VIT: variants seen among roughly 807,000 people sequenced by gnomAD.
VIT encodes the protein vitrin.
VIT carries 99 observed loss-of-function variants against 78.0 expected under a neutral mutation model. The observed-to-expected ratio is 1.27, with a 90% CI of 1.08 to 1.50. VIT has a LOEUF of 1.50. Ranked by LOEUF, VIT falls within the 40% of genes most tolerant of loss-of-function variation. VIT has a pLI of 0.00. For synonymous variants in VIT, 374 were observed against 334.3 expected (o/e 1.12, Z -1.29); for missense variants, 1,126 against 875.3 (o/e 1.29, Z -3.61).
intron 2 of VIT, among the ~76,000 whole-genome samples, chr2:36,721,585 C>T (rs1404269057): frequency 1.3e-5 from 2 of 152,186 alleles, no homozygotes; most frequent in Non-Finnish European, 2.9e-5. Context: ...TTTCCCTTTG[C>T]CTTTAGGATG....
At chr2:36,747,788 T>G (rs919164352) in intron 4 of VIT, among the ~76,000 whole-genome samples, 1 of 152,198 alleles carries the variant, frequency 6.6e-6, no homozygotes, top group African/African-American at 2.4e-5. Flanking sequence ...TTCGACCTGA[T>G]CATAATGTTG....
chr2:36,717,672 T>C (rs930149060), intron 2 of VIT, among the ~76,000 whole-genome samples: 9 of 152,144 alleles, frequency 5.9e-5, no homozygotes, highest in Non-Finnish European at 1.3e-4. Context: ...AGGGTAATCT[T>C]CCATTAAGCT....
chr2:36,699,458 A>T (rs1203398747), intron 1 of VIT, among the ~76,000 whole-genome samples: 1 of 152,088 alleles, frequency 6.6e-6, no homozygotes, highest in African/African-American at 2.4e-5. Flanking sequence ...AGAGACTTAC[A>T]TGTATACAAA....
chr2:36,759,084 G>A (rs1668950795), intron 6 of VIT, 38 bp downstream of exon 6: 10 of 1,614,138 alleles, frequency 6.2e-6, no homozygotes, highest in Non-Finnish European at 8.5e-6. Context: ...AACCTTCTGA[G>A]TCCATGAACA....
At chr2:36,710,370 G>C (rs1440571643) in intron 1 of VIT, among the ~76,000 whole-genome samples, 1 of 152,120 alleles carries the variant, frequency 6.6e-6, no homozygotes, top group Admixed American at 6.6e-5. Context: ...GGGTTCTAGT[G>C]AAAACGCCTC....
intron 3 of VIT, among the ~76,000 whole-genome samples, chr2:36,742,409 C>G (rs1441916383): frequency 6.6e-6 from 1 of 152,146 alleles, no homozygotes; most frequent in Non-Finnish European, 1.5e-5. Context: ...AGCTTTCCAT[C>G]AAGCGTTCAG....
intron 3 of VIT, among the ~76,000 whole-genome samples, chr2:36,731,315 C>T (rs914315792): frequency 6.6e-6 from 1 of 152,084 alleles, no homozygotes; most frequent in African/African-American, 2.4e-5. Context: ...CACTCTGTCG[C>T]CAGGCTGGAG....
intron 6 of VIT, among the ~76,000 whole-genome samples, chr2:36,761,412 G>A (rs541615398): frequency 5.3e-5 from 8 of 152,174 alleles, no homozygotes; most frequent in African/African-American, 7.2e-5. Flanking sequence ...GGCCTCACCC[G>A]TGGGAAGTTC....
intron 2 of VIT, among the ~76,000 whole-genome samples, chr2:36,723,608 C>A (rs1666647247): frequency 6.6e-6 from 1 of 152,126 alleles, no homozygotes; most frequent in Non-Finnish European, 1.5e-5. Flanking sequence ...ATGCATTAAA[C>A]AATAAATTTT....
intron 5 of VIT, among the ~76,000 whole-genome samples, chr2:36,756,375 A>G (rs774473256): frequency 2.0e-5 from 3 of 152,138 alleles, no homozygotes; most frequent in Non-Finnish European, 2.9e-5. Context: ...TGGCCTCCCA[A>G]CAAAATTAGG....
chr2:36,726,460 G>T (rs553773627), intron 2 of VIT, among the ~76,000 whole-genome samples: 1 of 152,286 alleles, frequency 6.6e-6, no homozygotes, highest in Non-Finnish European at 1.5e-5. Context: ...ATCCACATTT[G>T]TGTTGTTTAC....
chr2:36,708,904 C>T (rs1573115931), intron 1 of VIT, among the ~76,000 whole-genome samples: 1 of 152,184 alleles, frequency 6.6e-6, no homozygotes, highest in African/African-American at 2.4e-5. Context: ...AATCCCAGCA[C>T]TTTGGGAGGC....
chr2:36,793,790 A>G (rs1368026123), intron 12 of VIT, among the ~76,000 whole-genome samples: 3 of 152,216 alleles, frequency 2.0e-5, no homozygotes, highest in African/African-American at 7.2e-5. Flanking sequence ...AATCCATTTG[A>G]GAGGCTCATT....
At chr2:36,746,183 T>G (rs559000370) in intron 4 of VIT, among the ~76,000 whole-genome samples, 4 of 152,330 alleles carry the variant, frequency 2.6e-5, no homozygotes, top group Admixed American at 6.5e-5. Context: ...ATTAGCTTTT[T>G]GATGTGCTGC....
chr2:36,730,271 G>C (rs1667112198), intron 3 of VIT, among the ~76,000 whole-genome samples: 1 of 149,120 alleles, frequency 6.7e-6, no homozygotes, highest in Non-Finnish European at 1.5e-5. Context: ...CTGGGCCACA[G>C]AGTGAGACTG....
chr2:36,777,889 C>G (rs1670167406), intron 9 of VIT, among the ~76,000 whole-genome samples: 2 of 152,290 alleles, frequency 1.3e-5, no homozygotes, highest in Admixed American at 1.3e-4. Context: ...CATGGGGCAA[C>G]CGAATCCTGC....
intron 4 of VIT, among the ~76,000 whole-genome samples, chr2:36,750,495 G>C (rs896605374): frequency 6.6e-6 from 1 of 152,158 alleles, no homozygotes; most frequent in Non-Finnish European, 1.5e-5. Flanking sequence ...AGAGCCACAA[G>C]AGTAAATTTG....
intron 10 of VIT, 77 bp downstream of exon 10, chr2:36,781,848 C>T (rs901812063): frequency 4.5e-6 from 7 of 1,564,712 alleles, no homozygotes; most frequent in Non-Finnish European, 6.1e-6. Context: ...TCTAATAATC[C>T]AGCTGGCATA....
intron 1 of VIT, among the ~76,000 whole-genome samples, 197 bp downstream of exon 1, chr2:36,697,170 TATAA>T (rs1664730245): frequency 6.6e-6 from 1 of 152,252 alleles, no homozygotes; most frequent in Non-Finnish European, 1.5e-5. Context: ...ATTTATCAAT[TATAA>T]ATAAACTGCA....
Sources: allele counts gnomAD v4.1 joint callset (sites outside exome capture counted in the v4.1 genomes callset), GRCh38; gene constraint gnomAD v4.1.1; transcripts MANE v1.5; gene names NCBI Gene and HGNC (gene_info 2026-07-23, HGNC 2026-07-21).